Variants in DCLRE1A observed in about 807,000 individuals in gnomAD.
DCLRE1A encodes DNA cross-link repair 1A, also known as DNA cross-link repair 1A protein.
In DCLRE1A, 64 loss-of-function variants were observed where a neutral mutation model predicts 91.9. The observed-to-expected ratio is 0.70, with a 90% confidence interval of 0.57 to 0.86. DCLRE1A has a LOEUF of 0.86. Among genes scored for constraint, DCLRE1A ranks in the 40% least tolerant of loss-of-function variants. DCLRE1A has a pLI of 0.00. For synonymous variants in DCLRE1A, 416 were observed against 431.1 expected (o/e 0.96, Z 0.43); for missense variants, 1,145 against 1,213.3 (o/e 0.94, Z 0.84).
Position 113,851,071 on chromosome 10 carries a change from T to C in DCLRE1A, c.461-427A>G, listed in dbSNP as rs1163771022. Among the ~76,000 whole-genome samples, 4 of 152,334 alleles carry C rather than the reference T, an allele frequency of 2.6e-5. No homozygotes were observed. The East Asian group carries it at 7.7e-4, about 29-fold the overall frequency. ...TAAAAATGCCTCTTAAAAGCATTTG[T>C]TATAGAATGGAATTTAATTCAAGAG... On this transcript the variant is annotated intron_variant, in intron 1 of 8. Coordinates refer to ENST00000361384, the MANE Select transcript of DCLRE1A (RefSeq NM_014881.5).
At chr10:113,842,525 A>G in intron 5 of DCLRE1A, 37 bp from the exon 6 acceptor site, 1 of 1,593,352 alleles carries the variant, frequency 6.3e-7, no homozygotes, top group Non-Finnish European at 8.6e-7. Context: ...TAAAAGAACA[A>G]TAAAAAAGCC....
chr10:113,847,088 AT>A (rs890313836), intron 3 of DCLRE1A, 113 bp downstream of exon 3: 28 of 1,078,974 alleles, frequency 2.6e-5, no homozygotes, highest in African/African-American at 3.2e-5. Flanking sequence ...ATGTTTTCTC[AT>A]TTTTTTTCTA....
chr10:113,839,322 CT>C (rs1219266840), intron 7 of DCLRE1A, among the ~76,000 whole-genome samples: 9 of 55,764 alleles, frequency 1.6e-4, no homozygotes, highest in African/African-American at 3.9e-4. Flanking sequence ...GAGACCCTGT[CT>C]CAAAAAAAAA....
At chr10:113,835,683 C>T (rs1345299873) in intron 8 of DCLRE1A, among the ~76,000 whole-genome samples, 1 of 152,064 alleles carries the variant, frequency 6.6e-6, no homozygotes, top group African/African-American at 2.4e-5. Context: ...GCCTGTAATC[C>T]CAGCACTTTG....
rs566427952 is a variant in DCLRE1A, at chr10:113,846,662, A to G, written c.2259+540T>C. 1.2e-4 allele frequency among the ~76,000 whole-genome samples: 19 copies of G among 152,280 alleles called. 1 individual carries two copies. The highest frequency in any genetic ancestry group is 3.9e-4 in the African/African-American group (16 of 41,550). ...CCCCTGAGGACACCAAAATCTCAGG[A>G]TGCTCAAGTCCTTTATACAAAATGG... On this transcript the variant is annotated intron_variant, in intron 3 of 8. Coordinates refer to ENST00000361384, the MANE Select transcript of DCLRE1A (RefSeq NM_014881.5).
In DCLRE1A at chr10:113,835,184, A is replaced by G; in HGVS notation, c.3091T>C (p.Phe1031Leu). 6.2e-7 allele frequency: 1 copy of G among 1,613,896 alleles called. No individual in the cohort carries two copies. Among genetic ancestry groups the G allele is most frequent in the East Asian group, 2.2e-5 (1 of 44,872 alleles). The change falls in exon 9 of 9, where the codon TTT becomes CTT. Residue 1031 changes from phenylalanine (F) to leucine (L), a missense_variant. Coordinates refer to ENST00000361384, the MANE Select transcript of DCLRE1A (RefSeq NM_014881.5). ...WKSRSTMEKYFREWKLEAGY is the reference protein window; with the variant it reads ...WKSRSTMEKYLREWKLEAGY ...CCAGCTTCCAATTTCCACTCTCTAA[A>G]ATATTTCTCCATTGTGCTCCTAGAT...
In DCLRE1A at chr10:113,845,817, C is replaced by T. The variant is rs373900423; in HGVS notation, c.2260-14G>A. 4.0e-4 allele frequency: 632 copies of T among 1,592,206 alleles called. No homozygotes were observed. The highest frequency in any genetic ancestry group is 6.1e-4 in the South Asian group (55 of 90,614). ...ATTGCCAGTTATCTGCAAAACAGGA[C>T]GTGCTTATTGCTGATGCAGTAAAAC... On this transcript the variant is annotated splice_polypyrimidine_tract_variant and intron_variant, in intron 3 of 8. Transcript: ENST00000361384.
At position 113,844,104 on chromosome 10, in the gene DCLRE1A, G is replaced by C; in HGVS notation, c.2519C>G (p.Thr840Arg). 1 of 1,614,050 alleles carries C rather than the reference G, an allele frequency of 6.2e-7. No homozygotes were observed. The highest frequency in any genetic ancestry group is 8.5e-7 in the Non-Finnish European group (1 of 1,179,958). The change falls in exon 5 of 9, where the codon ACA becomes AGA. Residue 840 changes from threonine to arginine, a missense_variant and splice_region_variant. Transcript: ENST00000361384. ...QKVHMLYLDT[T>R]YCSPEYTFPS... ...AACACACAAAAAAAGCCTCTCTTACGTGGTATCTAAGTACAGCATATGGAC... is the reference window on the plus strand; with the variant it reads ...AACACACAAAAAAAGCCTCTCTTACCTGGTATCTAAGTACAGCATATGGAC...
rs767219553 is a variant in DCLRE1A at position 113,853,228 on chromosome 10, TG to T, written c.-47del. On this transcript the variant is annotated 5_prime_UTR_variant, in exon 1 of 9. The change abolishes the stop of an existing upstream ORF in the 5' untranslated region. Coordinates refer to ENST00000361384, the MANE Select transcript of DCLRE1A (RefSeq NM_014881.5). Reference sequence around the variant, plus strand: ...CAAGAAGTATTAATCTTAAGTAAACTGAAAGTCCATTTCTTGTCACAAACAA... The same window carrying T: ...CAAGAAGTATTAATCTTAAGTAAACTAAAGTCCATTTCTTGTCACAAACAA... 2.8e-6 allele frequency: 4 copies of T among 1,439,722 alleles called. No homozygotes were observed. In the Admixed American group the frequency reaches 1.1e-4, roughly 39 times the overall value. 89.2% of individuals were successfully genotyped at this position (1,439,722 alleles called of 1,614,324 possible). A position where few individuals can be genotyped will look rare whatever the true frequency, so the allele number is the denominator to read the frequency against.
At position 113,849,712 on chromosome 10, in the gene DCLRE1A, T is replaced by C; in HGVS notation, c.1393A>G (p.Met465Val). 2 of 1,614,206 alleles carry C rather than the reference T, an allele frequency of 1.2e-6. No homozygotes were observed. The highest frequency in any genetic ancestry group is 1.7e-6 in the Non-Finnish European group (2 of 1,180,034). ...QVSLPLVKSL[M>V]LKPFESQVEG... The stretch of plus-strand genomic sequence containing the variant: ...ACCTGACTTTCAAAAGGTTTCAACA[T>C]TAAACTCTTAACTAACGGAAGAGAA... The change falls in exon 2 of 9, where the codon ATG becomes GTG. Residue 465 changes from methionine to valine, a missense_variant. Coordinates refer to ENST00000361384, the MANE Select transcript of DCLRE1A (RefSeq NM_014881.5).
chr10:113,847,295 A>C lies in DCLRE1A; in HGVS notation c.2166T>G (p.Val722=), dbSNP rs760987951. The stretch of plus-strand genomic sequence containing the variant: ...TGAGAAAATAGGCTGTGCAACCTTC[A>C]ACCACGCCATACTGAAAGGCATCAA... The part of the protein sequence containing the change: ...FTVDAFQYGV[V]EGCTAYFLTH... The change falls in exon 3 of 9, where the codon GTT becomes GTG. Residue 722 remains valine (V), a synonymous_variant. Transcript: ENST00000361384. The C allele has an allele frequency of 3.7e-6, 6 of 1,614,092 alleles. 1 individual carries two copies. The highest frequency in any genetic ancestry group is 5.1e-6 in the Non-Finnish European group (6 of 1,179,966).
upstream of DCLRE1A, chr10:113,854,382 C>G (rs950941202): frequency 6.6e-6 from 1 of 152,600 alleles, no homozygotes; most frequent in African/African-American, 2.4e-5. Context: ...AACAAGTTCC[C>G]GCTGCCAGTG....
chr10:113,841,378 C>G lies in DCLRE1A; in HGVS notation c.2820+28G>C, dbSNP rs777221529. On this transcript the variant is annotated intron_variant, in intron 7 of 8. Coordinates refer to ENST00000361384, the MANE Select transcript of DCLRE1A (RefSeq NM_014881.5). ...AATCAGATTACCTTTTTTGTTCATC[C>G]TAAAAGACATATCTCTTGAATGCTT... 3 of 1,602,178 alleles carry G rather than the reference C, an allele frequency of 1.9e-6. No homozygotes were observed. The African/African-American group carries it at 4.0e-5, about 22-fold the overall frequency.
At position 113,837,203 on chromosome 10, in the gene DCLRE1A, C is replaced by T. The variant is rs770517768; in HGVS notation, c.2821G>A (p.Gly941Ser). 6.2e-6 allele frequency: 10 copies of T among 1,606,670 alleles called. No homozygotes were observed. The highest frequency in any genetic ancestry group is 1.3e-5 in the African/African-American group (1 of 74,384). Residue 941 changes from glycine to serine, a missense_variant and splice_region_variant, in exon 8 of 9, where the codon GGC becomes AGC. Gly to Ser is a moderately conservative substitution (Grantham distance 56). Coordinates refer to ENST00000361384, the MANE Select transcript of DCLRE1A (RefSeq NM_014881.5). ...LLPMMQINFK[G>S]LQSHLKKCGG... Reference sequence around the variant, plus strand: ...CACTTCTTCAAATGACTCTGTAAGCCCTGTTAAATTAAAATAGCATATTGA... The same window carrying T: ...CACTTCTTCAAATGACTCTGTAAGCTCTGTTAAATTAAAATAGCATATTGA...
intron 7 of DCLRE1A, among the ~76,000 whole-genome samples, chr10:113,839,324 C>CAA (rs35405311): frequency 5.6e-4 from 34 of 61,256 alleles, no homozygotes; most frequent in South Asian, 2.7e-3. Context: ...GACCCTGTCT[C>CAA]AAAAAAAAAA....
In DCLRE1A at chr10:113,849,340, G is replaced by A. The variant is rs779894331; in HGVS notation, c.1765C>T (p.Pro589Ser). 1 of 1,613,962 alleles carries A rather than the reference G, an allele frequency of 6.2e-7. No individual in the cohort carries two copies. Among genetic ancestry groups the A allele is most frequent in the Admixed American group, 1.7e-5 (1 of 60,000 alleles). ...GAGGACCTCTTTTGATTAGGACTTGGAACTGGATTTAAGTTTATCCCTTCT... is the reference window on the plus strand; with the variant it reads ...GAGGACCTCTTTTGATTAGGACTTGAAACTGGATTTAAGTTTATCCCTTCT... The part of the protein sequence containing the change: ...ALEGINLNPV[P>S]SPNQKRSSQC... Residue 589 changes from proline to serine, a missense_variant, in exon 2 of 9, where the codon CCA becomes TCA. Coordinates refer to ENST00000361384, the MANE Select transcript of DCLRE1A (RefSeq NM_014881.5).
At chr10:113,839,304 GAC>G (rs1845410289) in intron 7 of DCLRE1A, among the ~76,000 whole-genome samples, 1 of 134,122 alleles carries the variant, frequency 7.5e-6, no homozygotes, top group Admixed American at 8.0e-5. Flanking sequence ...CAGCCTGGTG[GAC>G]AGAGCGAGAC....
In DCLRE1A at chr10:113,850,271, T is replaced by C. The variant is rs370924902; in HGVS notation, c.834A>G (p.Ala278=). 9.9e-6 allele frequency: 16 copies of C among 1,614,200 alleles called. No homozygotes were observed. The African/African-American group carries it at 1.5e-4, about 15-fold the overall frequency. The change falls in exon 2 of 9, where the codon GCA becomes GCG. Residue 278 remains alanine, a synonymous_variant. Transcript: ENST00000361384. The stretch of plus-strand genomic sequence containing the variant: ...GCAAATTTATGTGTTCTGAGTTGTT[T>C]GCAAGACGCAAAGCAACTCCCACTA... ...DKLVGVALRL[A]NNSEHINLPL...
chr10:113,836,147 C>T (rs750088676), intron 8 of DCLRE1A, among the ~76,000 whole-genome samples: 1 of 152,056 alleles, frequency 6.6e-6, no homozygotes, highest in African/African-American at 2.4e-5. Context: ...GGAACTGAGT[C>T]TATTAAACCT....
Sources: allele counts gnomAD v4.1 joint callset (sites outside exome capture counted in the v4.1 genomes callset), GRCh38; gene constraint gnomAD v4.1.1; transcripts MANE v1.5; gene names NCBI Gene and HGNC (gene_info 2026-07-23, HGNC 2026-07-21).